Variants in EVPL observed in about 807,000 individuals in gnomAD.
EVPL encodes envoplakin.
EVPL carries 94 observed loss-of-function variants against 129.7 expected under a neutral mutation model. That is an observed-to-expected ratio of 0.72 (90% CI 0.61 to 0.86). The LOEUF (loss-of-function observed/expected upper bound fraction) is 0.86. Among genes scored for constraint, EVPL ranks in the 40% least tolerant of loss-of-function variants. The probability of loss-of-function intolerance (pLI) is 0.00; values close to 1 mark genes in which losing one functional copy is unlikely to be tolerated. For missense variants in EVPL, 2,625 were observed against 2,721.1 expected (o/e 0.96, Z 0.79); for synonymous variants, 1,172 against 1,191.1 (o/e 0.98, Z 0.33).
In EVPL at chr17:76,010,337, C is replaced by T. The variant is rs201462599; in HGVS notation, c.2868G>A (p.Glu956=). 6.3e-5 allele frequency: 102 copies of T among 1,613,910 alleles called. 1 individual carries two copies. Among genetic ancestry groups the T allele is most frequent in the African/African-American group, 4.1e-4 (31 of 75,052 alleles). The change falls in exon 22 of 22, where the codon GAG becomes GAA. Residue 956 remains glutamate (E), a synonymous_variant. Coordinates refer to ENST00000301607, the MANE Select transcript of EVPL (RefSeq NM_001988.4). Reference sequence around the variant, plus strand: ...CCCGGTAGAACTCTACCACTTCCTTCTCCTCCAGCCTCTCCAAGGGCCGCT... The same window carrying T: ...CCCGGTAGAACTCTACCACTTCCTTTTCCTCCAGCCTCTCCAAGGGCCGCT... The part of the protein sequence containing the change: ...RTQRPLERLE[E]KEVVEFYRDP...
Position 76,013,706 on chromosome 17 carries a change from C to T in EVPL, c.2373+720G>A, listed in dbSNP as rs185417078. Among the ~76,000 whole-genome samples the T allele has an allele frequency of 5.8e-3, 877 of 152,320 alleles. 8 individuals carry two copies. Among genetic ancestry groups the T allele is most frequent in the African/African-American group, 0.019 (781 of 41,550 alleles). On this transcript the variant is annotated intron_variant, in intron 18 of 21. Coordinates refer to ENST00000301607, the MANE Select transcript of EVPL (RefSeq NM_001988.4). The surrounding 1 kb of genome is among the most constrained non-coding windows in gnomAD (Gnocchi z 4.3). ...TCCCTTCCCCGGCCAGGCCACCACT[C>T]TCTCTCCGCTGGATTTCCACCCTGG...
chr17:76,009,520 TCTC>T lies in EVPL; in HGVS notation c.3682_3684del (p.Glu1228del). The stretch of plus-strand genomic sequence containing the variant: ...TCGGGCAGCAGCTTCTCCACCTCCT[TCTC>T]CACACCGCTCCTCTTGCCCGCCATC... On this transcript the variant is annotated inframe_deletion, in exon 22 of 22. Coordinates refer to ENST00000301607, the MANE Select transcript of EVPL (RefSeq NM_001988.4). This position sits in a 1 kb window ranked among gnomAD's most constrained non-coding sequence, Gnocchi z 5.9. 1.2e-6 allele frequency: 2 copies of T among 1,613,884 alleles called. No homozygotes were observed. The highest frequency in any genetic ancestry group is 1.1e-5 in the South Asian group (1 of 91,052).
At chr17:76,011,029 T>G (rs1219302030) in intron 21 of EVPL, among the ~76,000 whole-genome samples, 1 of 152,126 alleles carries the variant, frequency 6.6e-6, no homozygotes, top group Non-Finnish European at 1.5e-5. Context: ...GCCACTGCAC[T>G]CCAGCCTTGG....
In EVPL at chr17:76,027,294, A is replaced by C. The variant is rs1200011811; in HGVS notation, c.-96T>G. ...CAGCGGGCGTCCTCACTGGCTGGTC[A>C]GCTAAGTCTGGCGAGGTGGGGCGGC... On this transcript the variant is annotated 5_prime_UTR_variant, in exon 1 of 22. Coordinates refer to ENST00000301607, the MANE Select transcript of EVPL (RefSeq NM_001988.4). 1 of 900,510 alleles carries C rather than the reference A, an allele frequency of 1.1e-6. No homozygotes were observed. Among genetic ancestry groups the C allele is most frequent in the African/African-American group, 1.7e-5 (1 of 59,894 alleles). 55.8% of individuals were successfully genotyped at this position (900,510 alleles called of 1,614,324 possible).
chr17:76,022,497 C>T lies in EVPL; in HGVS notation c.522G>A (p.Glu174=). The change falls in exon 5 of 22, where the codon GAG becomes GAA. Residue 174 remains glutamate, a synonymous_variant. Coordinates refer to ENST00000301607, the MANE Select transcript of EVPL (RefSeq NM_001988.4). The surrounding 1 kb of genome is among the most constrained non-coding windows in gnomAD (Gnocchi z 5.6). The part of the protein sequence containing the change: ...CAGQYGPGMA[E]LEQQIAEHNI... The stretch of plus-strand genomic sequence containing the variant: ...TGTGCTCGGCGATCTGTTGCTCCAG[C>T]TCCGCCATGCCCGGCCCGTACTGGC... 6.2e-7 allele frequency: 1 copy of T among 1,611,934 alleles called. No individual in the cohort carries two copies.
Position 76,009,849 on chromosome 17 carries a change from C to A in EVPL, c.3356G>T (p.Arg1119Leu), listed in dbSNP as rs769457633. 10 of 1,614,032 alleles carry A rather than the reference C, an allele frequency of 6.2e-6. No homozygotes were observed. Among genetic ancestry groups the A allele is most frequent in the East Asian group, 2.2e-5 (1 of 44,874 alleles). The change falls in exon 22 of 22, where the codon CGC (arginine) becomes CTC (leucine). Residue 1119 changes from arginine to leucine, a missense_variant. Arg to Leu is a moderately radical substitution (Grantham distance 102). Around this residue, in one of 4 missense-constraint regions of EVPL, gnomAD observed 1,453 missense variants for 1,511.8 expected, o/e 0.96. Coordinates refer to ENST00000301607, the MANE Select transcript of EVPL (RefSeq NM_001988.4). This position sits in a 1 kb window ranked among gnomAD's most constrained non-coding sequence, Gnocchi z 5.9. ...GATAGCCCGCTCCAGGTCTTCGATG[C>A]GAGCCTGTAGCTTGGCCACAGCCTC... ...AEEAVAKLQA[R>L]IEDLERAISS...
chr17:76,023,753 A>G, intron 2 of EVPL, 99 bp from the exon 3 acceptor site: 7 of 1,448,534 alleles, frequency 4.8e-6, no homozygotes, highest in South Asian at 1.5e-5. Context: ...GACCCCAGCT[A>G]TGCTAGCCAA....
At position 76,007,321 on chromosome 17, in the gene EVPL, C is replaced by CGGAGAGGAGGGCCTGCTGGAT. The variant is rs2066325374; in HGVS notation, c.5863_5883dup (p.Ile1955_Ser1961dup). ...TGGGCCAGCTCTTCACTGATCATCC[C>CGGAGAGGAGGGCCTGCTGGAT]GGAGAGGAGGGCCTGCTGGATGGGG... On this transcript the variant is annotated inframe_insertion, in exon 22 of 22. Coordinates refer to ENST00000301607, the MANE Select transcript of EVPL (RefSeq NM_001988.4). The surrounding 1 kb of genome is among the most constrained non-coding windows in gnomAD (Gnocchi z 8.8). The CGGAGAGGAGGGCCTGCTGGAT allele has an allele frequency of 1.3e-6, 2 of 1,561,918 alleles. No homozygotes were observed. The highest frequency in any genetic ancestry group is 1.7e-6 in the Non-Finnish European group (2 of 1,150,436).
At chr17:76,018,820 A>C (rs2066436842) in intron 11 of EVPL, 94 bp downstream of exon 11, 1 of 1,302,254 alleles carries the variant, frequency 7.7e-7, no homozygotes, top group Admixed American at 3.9e-5. Flanking sequence ...CGCAGGAGAC[A>C]GCTGGGGATG....
At position 76,007,481 on chromosome 17, in the gene EVPL, G is replaced by T; in HGVS notation, c.5724C>A (p.Asp1908Glu). 1 of 1,612,426 alleles carries T rather than the reference G, an allele frequency of 6.2e-7. No individual in the cohort carries two copies. Among genetic ancestry groups the T allele is most frequent in the Non-Finnish European group, 8.5e-7 (1 of 1,179,446 alleles). The change falls in exon 22 of 22, where the codon GAC (aspartate) becomes GAA (glutamate). Residue 1908 changes from aspartate to glutamate, a missense_variant. This residue lies in a region of EVPL where 1,453 missense variants were observed against 1,511.8 expected (regional missense o/e 0.96). Transcript: ENST00000301607. The surrounding 1 kb of genome is among the most constrained non-coding windows in gnomAD (Gnocchi z 8.8). ...NAQKAFTGIEDPVTKKRLSVG... is the reference protein window; with the variant it reads ...NAQKAFTGIEEPVTKKRLSVG... Reference sequence around the variant, plus strand: ...CCGAGAGCCTCTTCTTGGTGACGGGGTCCTCGATGCCGGTGAAGGCCTTCT... The same window carrying T: ...CCGAGAGCCTCTTCTTGGTGACGGGTTCCTCGATGCCGGTGAAGGCCTTCT...
intron 14 of EVPL, 35 bp from the exon 15 acceptor site, chr17:76,015,663 G>T (rs753629723): frequency 1.3e-6 from 2 of 1,589,778 alleles, no homozygotes; most frequent in South Asian, 1.1e-5. Context: ...CTCTGGGCAG[G>T]TGGGTTCCGC....
At position 76,023,559 on chromosome 17, in the gene EVPL, G is replaced by A. The variant is rs765106819; in HGVS notation, c.294C>T (p.Phe98=). The stretch of plus-strand genomic sequence containing the variant: ...GCCGCCGGGCCTTGTCCACGTCCAG[G>A]AAGAGGTCCTTGAGCAGCACCTCAG... ...KEAEVLLKDL[F]LDVDKARRLK... The change falls in exon 3 of 22, where the codon TTC becomes TTT. Residue 98 remains phenylalanine, a synonymous_variant. Coordinates refer to ENST00000301607, the MANE Select transcript of EVPL (RefSeq NM_001988.4). The A allele has an allele frequency of 1.9e-6, 3 of 1,613,354 alleles. No homozygotes were observed. Among genetic ancestry groups the A allele is most frequent in the South Asian group, 1.1e-5 (1 of 91,070 alleles).
rs1337551293 is a variant in EVPL at position 76,014,310 on chromosome 17, A to C, written c.2373+116T>G. 3.6e-6 allele frequency: 5 copies of C among 1,377,318 alleles called. No individual in the cohort carries two copies. The African/African-American group carries it at 7.4e-5, about 20-fold the overall frequency. 85.3% of individuals were successfully genotyped at this position (1,377,318 alleles called of 1,614,324 possible). A position where few individuals can be genotyped will look rare whatever the true frequency, so the allele number is the denominator to read the frequency against. On this transcript the variant is annotated intron_variant, in intron 18 of 21. Transcript: ENST00000301607. ...AAGAGGAGCATTTCAGCTGGAGGCCAGGGAAGGGGCCCAGGGCCTCCGTGG... is the reference window on the plus strand; with the variant it reads ...AAGAGGAGCATTTCAGCTGGAGGCCCGGGAAGGGGCCCAGGGCCTCCGTGG...
chr17:76,008,602 C>A lies in EVPL; in HGVS notation c.4603G>T (p.Glu1535Ter). ...RVQKDRVLED[E>*]RARVWEMLNR... ...AGCATCTCCCACACGCGGGCCCGCTCATCTTCCAGGACGCGGTCCTTCTGC... is the reference window on the plus strand; with the variant it reads ...AGCATCTCCCACACGCGGGCCCGCTAATCTTCCAGGACGCGGTCCTTCTGC... The change falls in exon 22 of 22, where the codon GAG becomes TAG. Residue 1535 changes from glutamate (E) to a stop codon, truncating the protein, a stop_gained. Transcript: ENST00000301607. LOFTEE classifies it low-confidence loss of function (END_TRUNC). This position sits in a 1 kb window ranked among gnomAD's most constrained non-coding sequence, Gnocchi z 7.4. 6.2e-7 allele frequency: 1 copy of A among 1,611,916 alleles called. No individual in the cohort carries two copies. Among genetic ancestry groups the A allele is most frequent in the Non-Finnish European group, 8.5e-7 (1 of 1,180,010 alleles).
rs888461259 is a variant in EVPL at position 76,027,273 on chromosome 17, G to A, written c.-75C>T. The A allele has an allele frequency of 1.5e-5, 16 of 1,082,340 alleles. No individual in the cohort carries two copies. Among genetic ancestry groups the A allele is most frequent in the South Asian group, 6.3e-5 (5 of 78,972 alleles). 67.0% of individuals were successfully genotyped at this position (1,082,340 alleles called of 1,614,324 possible). ...GGCAGGAGGGCAGGTGGGAGGCAGC[G>A]GGCGTCCTCACTGGCTGGTCAGCTA... On this transcript the variant is annotated 5_prime_UTR_variant, in exon 1 of 22. Transcript: ENST00000301607.
Position 76,022,104 on chromosome 17 carries a change from C to T in EVPL, c.646-76G>A, listed in dbSNP as rs1174090624. On this transcript the variant is annotated intron_variant, in intron 6 of 21. Coordinates refer to ENST00000301607, the MANE Select transcript of EVPL (RefSeq NM_001988.4). The surrounding 1 kb of genome is among the most constrained non-coding windows in gnomAD (Gnocchi z 5.6). ...GGGCAAAAGGCGCCATTGGGCCGCGCTCAGGAACACTGGCCCCGGGCAGGG... is the reference window on the plus strand; with the variant it reads ...GGGCAAAAGGCGCCATTGGGCCGCGTTCAGGAACACTGGCCCCGGGCAGGG... The T allele has an allele frequency of 1.9e-6, 3 of 1,588,018 alleles. No homozygotes were observed. The Admixed American group carries it at 5.4e-5, about 29-fold the overall frequency.
At chr17:76,012,869 C>A (rs369123289) in intron 18 of EVPL, among the ~76,000 whole-genome samples, 4 of 151,400 alleles carry the variant, frequency 2.6e-5, no homozygotes, top group African/African-American at 7.3e-5. Flanking sequence ...CTCAGCCTCT[C>A]GAGTAGCCGG....
Position 76,009,249 on chromosome 17 carries a change from C to T in EVPL, c.3956G>A (p.Arg1319His), listed in dbSNP as rs764066273. 2.5e-6 allele frequency: 4 copies of T among 1,607,610 alleles called. No individual in the cohort carries two copies. Among genetic ancestry groups the T allele is most frequent in the Non-Finnish European group, 3.4e-6 (4 of 1,179,916 alleles). ...ETKTVSKEVV[R>H]HEKDPVLEKE... ...CTCCAGCACCGGGTCCTTCTCGTGG[C>T]GCACCACCTCCTTGCTCACCGTCTT... Residue 1319 changes from arginine (R) to histidine (H), a missense_variant, in exon 22 of 22, where the codon CGC becomes CAC. This residue lies in a region of EVPL where 1,453 missense variants were observed against 1,511.8 expected (regional missense o/e 0.96). Coordinates refer to ENST00000301607, the MANE Select transcript of EVPL (RefSeq NM_001988.4). The surrounding 1 kb of genome is among the most constrained non-coding windows in gnomAD (Gnocchi z 5.9).
Position 76,023,503 on chromosome 17 carries a change from T to G in EVPL, c.350A>C (p.Lys117Thr). ...GCCCTGCCGCAGCTCCACTCACTCC[T>G]TCTCAATCTCCTCAGCCTGCGGGTG... ...LKHPQAEEIEKDIKQLHERVT... is the reference protein window; with the variant it reads ...LKHPQAEEIETDIKQLHERVT... Residue 117 changes from lysine (K) to threonine (T), a missense_variant, in exon 3 of 22, where the codon AAG (lysine) becomes ACG (threonine). Lys to Thr is a moderately conservative substitution (Grantham distance 78). Coordinates refer to ENST00000301607, the MANE Select transcript of EVPL (RefSeq NM_001988.4). The G allele has an allele frequency of 6.2e-7, 1 of 1,613,102 alleles. No homozygotes were observed. Among genetic ancestry groups the G allele is most frequent in the African/African-American group, 1.3e-5 (1 of 75,018 alleles).
Sources: gnomAD v4.1 joint callset for allele counts (sites outside exome capture counted in the v4.1 genomes callset) on GRCh38, gnomAD v4.1.1 for gene constraint, gnomAD v4.1.1 regional missense constraint, Gnocchi (gnomAD v3.1) non-coding constraint, MANE v1.5 for transcripts, NCBI Gene and HGNC (gene_info 2026-07-23, HGNC 2026-07-21) for gene names.